Variants in IGSF21 observed in about 807,000 individuals in gnomAD.
The protein encoded by IGSF21 is immunoglobin superfamily member 21.
Under a neutral mutation model 46.8 loss-of-function variants are expected in IGSF21, and 28 were observed. The ratio of observed to expected loss-of-function variants is 0.60; its 90% CI spans 0.44 to 0.82. The LOEUF is 0.82. Ranked by LOEUF, IGSF21 falls within the 40% of genes least tolerant of loss-of-function variation. IGSF21 has a pLI of 0.00. For synonymous variants in IGSF21, 284 were observed against 273.6 expected, an observed-to-expected ratio of 1.04 and a Z score of -0.38; for missense variants, 624 against 665.5, an observed-to-expected ratio of 0.94 and a Z score of 0.69.
At chr1:18,174,250 A>C (rs1323851293) in intron 1 of IGSF21, among the ~76,000 whole-genome samples, 1 of 152,068 alleles carries the variant, frequency 6.6e-6, no homozygotes, top group Non-Finnish European at 1.5e-5. Context: ...ATATCTCCAG[A>C]GAGCTTGCAC....
intron 2 of IGSF21, among the ~76,000 whole-genome samples, chr1:18,261,133 C>A (rs2084943061): frequency 6.6e-6 from 1 of 152,238 alleles, no homozygotes. Flanking sequence ...TTCCTCCTCC[C>A]ACTTCAGCCA....
At chr1:18,122,841 G>A (rs1049643638) in intron 1 of IGSF21, among the ~76,000 whole-genome samples, 2 of 151,928 alleles carry the variant, frequency 1.3e-5, no homozygotes, top group African/African-American at 4.8e-5. Flanking sequence ...TGCCTAGGCT[G>A]GTTTTGAACT....
chr1:18,261,227 G>A (rs181150567), intron 2 of IGSF21, among the ~76,000 whole-genome samples: 34 of 152,308 alleles, frequency 2.2e-4, no homozygotes, highest in Middle Eastern at 6.8e-3. Context: ...CCTTAGCACC[G>A]TGGCTGGCCT....
At chr1:18,138,826 C>T (rs546944967) in intron 1 of IGSF21, among the ~76,000 whole-genome samples, 97 of 152,328 alleles carry the variant, frequency 6.4e-4, no homozygotes, top group African/African-American at 2.2e-3. Flanking sequence ...TAAGGCCCTT[C>T]CCTGAATTAG....
At chr1:18,331,218 G>A (rs977659737) in intron 3 of IGSF21, among the ~76,000 whole-genome samples, 1 of 152,118 alleles carries the variant, frequency 6.6e-6, no homozygotes, top group African/African-American at 2.4e-5. Context: ...CACCCGAGCA[G>A]TATGCCCTAT....
At position 18,208,395 on chromosome 1, in the gene IGSF21, A is replaced by ATATTTTTT. The variant is rs369367032; in HGVS notation, c.71-19502_71-19501insATTTTTTT. On this transcript the variant is annotated intron_variant, in intron 1 of 9. Coordinates refer to ENST00000251296, the MANE Select transcript of IGSF21 (RefSeq NM_032880.5). ...AGGAATAATATATATATATATATATATTTTTTGAGACGGAGTCTTGCTGTC... is the reference window on the plus strand; with the variant it reads ...AGGAATAATATATATATATATATATATATTTTTTTTTTTTGAGACGGAGTCTTGCTGTC... Among the ~76,000 whole-genome samples the ATATTTTTT allele has an allele frequency of 8.9e-5, 11 of 123,772 alleles. No individual in the cohort carries two copies. In the East Asian group the frequency reaches 9.3e-4, roughly 11 times the overall value. The allele number at this position is 123,772 out of a possible 152,430, so 81.2% of individuals were successfully genotyped here.
chr1:18,361,004 C>T (rs1052895136), intron 4 of IGSF21, among the ~76,000 whole-genome samples: 40 of 152,034 alleles, frequency 2.6e-4, no homozygotes, highest in Non-Finnish European at 5.6e-4. Context: ...TTTTGACAAA[C>T]CAGCCAGGGG....
At chr1:18,140,035 C>G (rs180672689) in intron 1 of IGSF21, among the ~76,000 whole-genome samples, 29 of 152,314 alleles carry the variant, frequency 1.9e-4, no homozygotes, top group African/African-American at 7.0e-4. Flanking sequence ...CAGCCTCAAC[C>G]TCCCCAGCTC....
Position 18,322,437 on chromosome 1 carries a change from A to G in IGSF21, c.306-12455A>G, listed in dbSNP as rs2085612481. ...CTGATGCCAGCTCTCACCCACCACC[A>G]AGTAGAGAGGCAGAGGCAGAGATTC... On this transcript the variant is annotated intron_variant, in intron 3 of 9. Transcript: ENST00000251296. This position sits in a 1 kb window ranked among gnomAD's most constrained non-coding sequence, Gnocchi z 4.3. Among the ~76,000 whole-genome samples the G allele has an allele frequency of 6.6e-6, 1 of 151,698 alleles. No individual in the cohort carries two copies. Among genetic ancestry groups the G allele is most frequent in the Admixed American group, 6.6e-5 (1 of 15,228 alleles).
intron 2 of IGSF21, among the ~76,000 whole-genome samples, chr1:18,282,364 G>A (rs936306127): frequency 6.6e-6 from 1 of 152,136 alleles, no homozygotes; most frequent in Non-Finnish European, 1.5e-5. Flanking sequence ...GTGCACTGAA[G>A]TTCGAATGTC....
chr1:18,193,765 G>T (rs1237028410), intron 1 of IGSF21, among the ~76,000 whole-genome samples: 1 of 152,216 alleles, frequency 6.6e-6, no homozygotes, highest in Non-Finnish European at 1.5e-5. Context: ...ATCCAATCAA[G>T]TTGACACTCA....
Position 18,291,875 on chromosome 1 carries a change from G to A in IGSF21, c.193G>A (p.Gly65Ser), listed in dbSNP as rs1486474559. 2.5e-6 allele frequency: 4 copies of A among 1,613,982 alleles called. No individual in the cohort carries two copies. The highest frequency in any genetic ancestry group is 3.4e-6 in the Non-Finnish European group (4 of 1,179,930). Residue 65 changes from glycine to serine, a missense_variant, in exon 3 of 10, where the codon GGT becomes AGT. Gly to Ser is a moderately conservative substitution (Grantham distance 56, BLOSUM62 0). Coordinates refer to ENST00000251296, the MANE Select transcript of IGSF21 (RefSeq NM_032880.5). ...REIVWYRVTD[G>S]GTIKQKIFTF... Reference sequence around the variant, plus strand: ...CTGTGCTCTGTGGCAGGTGACGGATGGTGGCACCATCAAGCAAAAGATCTT... The same window carrying A: ...CTGTGCTCTGTGGCAGGTGACGGATAGTGGCACCATCAAGCAAAAGATCTT...
intron 2 of IGSF21, among the ~76,000 whole-genome samples, chr1:18,268,820 T>A (rs1402833003): frequency 6.6e-6 from 1 of 152,142 alleles, no homozygotes; most frequent in Non-Finnish European, 1.5e-5. Flanking sequence ...CTTATCCGGA[T>A]GGAAGGCAGT....
At chr1:18,253,261 G>A (rs914412185) in intron 2 of IGSF21, among the ~76,000 whole-genome samples, 1 of 152,234 alleles carries the variant, frequency 6.6e-6, no homozygotes, top group Non-Finnish European at 1.5e-5. Context: ...GCCAGGGGGG[G>A]CCTCAGCAAA....
intron 6 of IGSF21, 76 bp from the exon 7 acceptor site, chr1:18,376,234 G>A: frequency 1.0e-6 from 1 of 1,001,924 alleles, no homozygotes; most frequent in African/African-American, 1.6e-5. Flanking sequence ...TTGATTGCTA[G>A]ACTAGAACTT....
chr1:18,249,034 C>T (rs1294267140), intron 2 of IGSF21, among the ~76,000 whole-genome samples: 1 of 152,116 alleles, frequency 6.6e-6, no homozygotes, highest in Non-Finnish European at 1.5e-5. Context: ...AAGTGTGGCA[C>T]CCCCGCCCAA....
intron 2 of IGSF21, among the ~76,000 whole-genome samples, chr1:18,262,510 A>G (rs74929586): frequency 0.017 from 2,662 of 152,314 alleles, 75 homozygotes; most frequent in African/African-American, 0.062. Context: ...TAATTCCAAC[A>G]TCGGTGTCAT....
rs552817468 is a variant in IGSF21 at position 18,278,207 on chromosome 1, CATTTATTT to C, written c.184-13622_184-13615del. On this transcript the variant is annotated intron_variant, in intron 2 of 9. Coordinates refer to ENST00000251296, the MANE Select transcript of IGSF21 (RefSeq NM_032880.5). ...ATGATAAAGCAAACATGGCTGCATT[CATTTATTT>C]ATTTATTTATTTATTTATTTATTTA... is the stretch of plus-strand genomic sequence containing the variant. 3.5e-3 allele frequency among the ~76,000 whole-genome samples: 172 copies of C among 48,904 alleles called. 1 individual carries two copies. The highest frequency in any genetic ancestry group is 7.2e-3 in the South Asian group (8 of 1,116). 32.1% of individuals were successfully genotyped at this position (48,904 alleles called of 152,430 possible).
At chr1:18,108,282 C>T (rs1382485856) in intron 1 of IGSF21, 84 bp downstream of exon 1, 3 of 1,238,150 alleles carry the variant, frequency 2.4e-6, no homozygotes, top group Non-Finnish European at 2.0e-6. Flanking sequence ...GCCGGGGTCG[C>T]TCCGAGAGGC....
Sources: allele counts gnomAD v4.1 joint callset (sites outside exome capture counted in the v4.1 genomes callset), GRCh38; gene constraint gnomAD v4.1.1; non-coding constraint Gnocchi (gnomAD v3.1); transcripts MANE v1.5; gene names NCBI Gene and HGNC (gene_info 2026-07-23, HGNC 2026-07-21).